The following ZNF365 variants were observed in gnomAD, a reference collection of about 807,000 sequenced individuals.
The protein encoded by ZNF365 is zinc finger protein 365, also known as protein ZNF365.
Under a neutral mutation model 35.0 loss-of-function variants are expected in ZNF365, and 22 were observed. The observed-to-expected ratio is 0.63, with a 90% confidence interval of 0.45 to 0.90. The LOEUF is 0.90. Among genes scored for constraint, ZNF365 ranks in the 40% least tolerant of loss-of-function variants. ZNF365 has a pLI of 0.00. For synonymous variants in ZNF365, 188 were observed against 196.2 expected (o/e 0.96, Z 0.35); for missense variants, 448 against 500.3 (o/e 0.90, Z 1.00).
chr10:62,403,269 GAC>G (rs1839857878), downstream of ZNF365, among the ~76,000 whole-genome samples: 2 of 152,294 alleles, frequency 1.3e-5, no homozygotes, highest in South Asian at 2.1e-4. Flanking sequence ...CATCATAGAG[GAC>G]TTCATCGTCA....
intron 3 of ZNF365, among the ~76,000 whole-genome samples, chr10:62,430,959 C>T (rs1433694490): frequency 1.3e-5 from 2 of 152,182 alleles, no homozygotes; most frequent in Non-Finnish European, 2.9e-5. Flanking sequence ...CTAATACTAT[C>T]ATTTTGTGGC....
chr10:62,415,020 G>A (rs10740077), intron 3 of ZNF365, among the ~76,000 whole-genome samples: 95,534 of 151,646 alleles, frequency 0.63, 30,750 homozygotes, highest in East Asian at 0.84. Context: ...TAAAATTTTC[G>A]TCTGATTTGT....
chr10:62,437,301 T>TA (rs1840422989), intron 3 of ZNF365, among the ~76,000 whole-genome samples: 1 of 152,194 alleles, frequency 6.6e-6, no homozygotes, highest in Non-Finnish European at 1.5e-5. Flanking sequence ...TTTTTGTCTT[T>TA]AAAAAATGTA....
At chr10:62,424,756 T>C (rs1248429017) in intron 3 of ZNF365, among the ~76,000 whole-genome samples, 3 of 152,222 alleles carry the variant, frequency 2.0e-5, no homozygotes, top group African/African-American at 7.2e-5. Flanking sequence ...TTCCATGGCC[T>C]ACAGTGCCCC....
At chr10:62,405,336 T>G (rs1002215212), downstream of ZNF365, among the ~76,000 whole-genome samples, 7 of 152,186 alleles carry the variant, frequency 4.6e-5, no homozygotes, top group African/African-American at 1.7e-4. Flanking sequence ...ATGAATATAC[T>G]TAAGAAGGTG....
chr10:62,422,585 G>A (rs74620716), intron 3 of ZNF365, among the ~76,000 whole-genome samples: 1 of 152,190 alleles, frequency 6.6e-6, no homozygotes, highest in African/African-American at 2.4e-5. Context: ...AAATGGAGCT[G>A]TGAGAAAACC....
At chr10:62,398,903 T>A in intron 4 of ZNF365, 126 bp downstream of exon 4, 1 of 970,944 alleles carries the variant, frequency 1.0e-6, no homozygotes, top group Non-Finnish European at 1.5e-6. Context: ...TTGGGAGGCT[T>A]AAGTGAAAAC....
chr10:62,427,919 T>G (rs1840274567), intron 3 of ZNF365, among the ~76,000 whole-genome samples: 1 of 152,158 alleles, frequency 6.6e-6, no homozygotes, highest in Admixed American at 6.6e-5. Context: ...AAATTAGCCA[T>G]GGGAAACTTG....
At chr10:62,417,731 A>G (rs866159616) in intron 3 of ZNF365, among the ~76,000 whole-genome samples, 23 of 151,958 alleles carry the variant, frequency 1.5e-4, no homozygotes, top group African/African-American at 5.3e-4. Context: ...GGAATCACCT[A>G]GAGAGTAGCA....
rs1272225960 is a variant in ZNF365, at chr10:62,466,756, A to G, written c.981+6959A>G. 2.6e-5 allele frequency among the ~76,000 whole-genome samples: 4 copies of G among 151,986 alleles called. No homozygotes were observed. The East Asian group carries it at 7.7e-4, about 29-fold the overall frequency. On this transcript the variant is annotated intron_variant, in intron 4 of 4. Transcript: ENST00000395255. ...AAACTTTTGCCTAACCAGAGCATTC[A>G]ACAGGTTACTTGAAATGCTAACCTT...
Position 62,376,601 on chromosome 10 carries a change from A to T in ZNF365, c.408A>T (p.Ala136=), listed in dbSNP as rs776442627. 1.2e-6 allele frequency: 2 copies of T among 1,614,062 alleles called. No homozygotes were observed. The highest frequency in any genetic ancestry group is 1.7e-6 in the Non-Finnish European group (2 of 1,180,046). ...CCTACACTGCCATGGACCTCCATGC[A>T]GACTCGCTGGATGGGACACGGTCGG... The part of the protein sequence containing the change: ...VQTYTAMDLH[A]DSLDGTRSGP... The change falls in exon 2 of 5, where the codon GCA becomes GCT. Residue 136 remains alanine (A), a synonymous_variant. Coordinates refer to ENST00000395254, the MANE Select transcript of ZNF365 (RefSeq NM_014951.3).
chr10:62,453,253 T>A (rs1840711693), intron 3 of ZNF365, among the ~76,000 whole-genome samples: 1 of 152,198 alleles, frequency 6.6e-6, no homozygotes, highest in Non-Finnish European at 1.5e-5. Flanking sequence ...ATTGTGCCCA[T>A]TAAGTAATTT....
In ZNF365 at chr10:62,465,861, G is replaced by A. The variant is rs148314887; in HGVS notation, c.981+6064G>A. Reference sequence around the variant, plus strand: ...AGTGACACACTCCCAGACTGTGGAAGTGAAGCATCGCAACCCTTCTTGGGG... The same window carrying A: ...AGTGACACACTCCCAGACTGTGGAAATGAAGCATCGCAACCCTTCTTGGGG... On this transcript the variant is annotated intron_variant, in intron 4 of 4. Coordinates refer to the ZNF365 transcript ENST00000395255. Among the ~76,000 whole-genome samples, 32 of 152,290 alleles carry A rather than the reference G, an allele frequency of 2.1e-4. 1 individual carries two copies. The East Asian group carries it at 4.2e-3, about 20-fold the overall frequency.
chr10:62,428,819 G>A (rs1840290814), intron 3 of ZNF365, among the ~76,000 whole-genome samples: 1 of 152,202 alleles, frequency 6.6e-6, no homozygotes, highest in South Asian at 2.1e-4. Context: ...TTCTTTTTCA[G>A]GGGCTCTCCC....
intron 4 of ZNF365, among the ~76,000 whole-genome samples, chr10:62,463,120 C>T (rs924952087): frequency 2.0e-5 from 3 of 152,094 alleles, no homozygotes; most frequent in Non-Finnish European, 4.4e-5. Flanking sequence ...AAAAACAAAC[C>T]AACAAACAGC....
In ZNF365 at chr10:62,376,502, C is replaced by T; in HGVS notation, c.309C>T (p.Ser103=). The change falls in exon 2 of 5, where the codon AGC becomes AGT. Residue 103 remains serine, a synonymous_variant. Coordinates refer to ENST00000395254, the MANE Select transcript of ZNF365 (RefSeq NM_014951.3). ...AACCGAGCTATGTTAACTTGTACAG[C>T]ATTTCACATGAACATTCCAAGGACA... ...KQKPSYVNLY[S]ISHEHSKDRK... 1 of 1,614,106 alleles carries T rather than the reference C, an allele frequency of 6.2e-7. No homozygotes were observed.
chr10:62,379,195 T>C (rs966147768), intron 2 of ZNF365, among the ~76,000 whole-genome samples: 9 of 152,070 alleles, frequency 5.9e-5, no homozygotes, highest in African/African-American at 1.7e-4. Context: ...GCTATTTTTT[T>C]GTATTTTTAG....
At chr10:62,432,330 C>T (rs528448231) in intron 3 of ZNF365, among the ~76,000 whole-genome samples, 3 of 152,316 alleles carry the variant, frequency 2.0e-5, no homozygotes, top group Admixed American at 6.5e-5. Context: ...AGACATTTTA[C>T]TCATGTGCTT....
intron 4 of ZNF365, among the ~76,000 whole-genome samples, chr10:62,473,752 A>G (rs1841083009): frequency 6.6e-6 from 1 of 152,198 alleles, no homozygotes; most frequent in African/African-American, 2.4e-5. Flanking sequence ...TGTATCGATT[A>G]GAATGCTTTT....
Sources: gnomAD v4.1 joint callset for allele counts (sites outside exome capture counted in the v4.1 genomes callset) on GRCh38, gnomAD v4.1.1 for gene constraint, MANE v1.5 for transcripts, NCBI Gene and HGNC (gene_info 2026-07-23, HGNC 2026-07-21) for gene names.